ADAMTSL1: variants seen among roughly 807,000 people sequenced by gnomAD.
The protein encoded by ADAMTSL1 is ADAMTS-like protein 1.
In ADAMTSL1, 126 loss-of-function variants were observed where a neutral mutation model predicts 201.8. That is an observed-to-expected ratio of 0.62 (90% CI 0.54 to 0.72). ADAMTSL1 has a LOEUF of 0.72. Ranked by LOEUF, ADAMTSL1 falls within the 30% of genes least tolerant of loss-of-function variation. The probability of loss-of-function intolerance (pLI) is 0.00; values close to 1 mark genes in which losing one functional copy is unlikely to be tolerated. For synonymous variants in ADAMTSL1, 1,121 were observed against 903.4 expected, an observed-to-expected ratio of 1.24 and a Z score of -4.32; for missense variants, 2,679 against 2,277.8, an observed-to-expected ratio of 1.18 and a Z score of -3.59.
At chr9:18,649,571 G>T (rs1828065135) in intron 7 of ADAMTSL1, among the ~76,000 whole-genome samples, 1 of 151,996 alleles carries the variant, frequency 6.6e-6, no homozygotes, top group African/African-American at 2.4e-5. Flanking sequence ...TTTTTGGTGT[G>T]GATGTCCTTT....
chr9:18,425,966 A>G (rs189916895), intron 2 of ADAMTSL1, among the ~76,000 whole-genome samples: 2 of 152,194 alleles, frequency 1.3e-5, no homozygotes, highest in African/African-American at 2.4e-5. Context: ...AGATGAGACC[A>G]TGAGAGAAAA....
chr9:17,959,621 G>C (rs1817653156), intron 1 of ADAMTSL1, among the ~76,000 whole-genome samples: 1 of 152,076 alleles, frequency 6.6e-6, no homozygotes, highest in Non-Finnish European at 1.5e-5. Flanking sequence ...ACCATGCCTG[G>C]CTAATTTTGT....
At chr9:18,084,638 A>G (rs966456717) in intron 1 of ADAMTSL1, among the ~76,000 whole-genome samples, 1 of 151,856 alleles carries the variant, frequency 6.6e-6, no homozygotes, top group African/African-American at 2.4e-5. Flanking sequence ...GATCAGTTAC[A>G]CCGTACAGCT....
At chr9:17,947,435 C>G (rs1278042320) in intron 1 of ADAMTSL1, among the ~76,000 whole-genome samples, 3 of 151,524 alleles carry the variant, frequency 2.0e-5, no homozygotes, top group African/African-American at 4.8e-5. Context: ...TTGTTTCAAC[C>G]CTGTGCATTT....
intron 13 of ADAMTSL1, among the ~76,000 whole-genome samples, chr9:18,687,236 T>G (rs1830893728): frequency 6.6e-6 from 1 of 152,256 alleles, no homozygotes; most frequent in Non-Finnish European, 1.5e-5. Context: ...AGTGTCACTT[T>G]TTTTTATCTA....
At chr9:18,367,002 A>G (rs1294875402) in intron 2 of ADAMTSL1, among the ~76,000 whole-genome samples, 2 of 151,608 alleles carry the variant, frequency 1.3e-5, no homozygotes, top group African/African-American at 4.8e-5. Flanking sequence ...TTCAAGGCAA[A>G]TTCATTTCCC....
At chr9:18,847,076 G>C (rs1481326476) in intron 23 of ADAMTSL1, among the ~76,000 whole-genome samples, 1 of 152,164 alleles carries the variant, frequency 6.6e-6, no homozygotes, top group African/African-American at 2.4e-5. Flanking sequence ...ACATCTACCT[G>C]CTCAGGCTTT....
intron 2 of ADAMTSL1, among the ~76,000 whole-genome samples, chr9:18,271,731 G>A (rs1832375931): frequency 6.6e-6 from 1 of 152,162 alleles, no homozygotes; most frequent in Non-Finnish European, 1.5e-5. Context: ...TCTAGTTCCA[G>A]TTCCCTGAGG....
chr9:18,280,559 G>T (rs1294884422), intron 2 of ADAMTSL1, among the ~76,000 whole-genome samples: 2 of 152,174 alleles, frequency 1.3e-5, no homozygotes, highest in Admixed American at 6.5e-5. Flanking sequence ...GGCAGAGTAG[G>T]AGGTTAAGCC....
intron 4 of ADAMTSL1, among the ~76,000 whole-genome samples, chr9:18,598,534 A>C (rs1824419365): frequency 6.6e-6 from 1 of 152,152 alleles, no homozygotes; most frequent in Non-Finnish European, 1.5e-5. Context: ...AGTGCACTTC[A>C]GTCCCTGTGC....
chr9:18,109,443 A>G, intron 1 of ADAMTSL1, among the ~76,000 whole-genome samples: 1 of 152,128 alleles, frequency 6.6e-6, no homozygotes, highest in East Asian at 1.9e-4. Context: ...CATTCTGAAG[A>G]ATACTAAGTG....
At chr9:18,738,257 T>G (rs566549174) in intron 15 of ADAMTSL1, among the ~76,000 whole-genome samples, 5 of 152,298 alleles carry the variant, frequency 3.3e-5, no homozygotes, top group African/African-American at 1.2e-4. Context: ...TATATCTTAG[T>G]CTTTAAAACT....
At chr9:18,109,180 C>G (rs1449340253) in intron 1 of ADAMTSL1, among the ~76,000 whole-genome samples, 18 of 152,146 alleles carry the variant, frequency 1.2e-4, no homozygotes, top group African/African-American at 2.4e-5. Flanking sequence ...GAAATAAATT[C>G]TAATAATCTT....
At chr9:18,407,197 G>T (rs147871623) in intron 2 of ADAMTSL1, among the ~76,000 whole-genome samples, 1 of 151,638 alleles carries the variant, frequency 6.6e-6, no homozygotes, top group Admixed American at 6.6e-5. Flanking sequence ...AAGCTGCCTG[G>T]GGTTCTCACA....
At chr9:18,433,268 T>G (rs943000862) in intron 2 of ADAMTSL1, among the ~76,000 whole-genome samples, 6 of 152,086 alleles carry the variant, frequency 3.9e-5, no homozygotes, top group African/African-American at 1.4e-4. Flanking sequence ...TTAATATAGA[T>G]TCTATTGGAG....
chr9:17,972,634 G>A (rs1423334661), intron 1 of ADAMTSL1, among the ~76,000 whole-genome samples: 1 of 151,840 alleles, frequency 6.6e-6, no homozygotes, highest in Non-Finnish European at 1.5e-5. Flanking sequence ...ACATGTGCAT[G>A]TGTCTTTATA....
intron 3 of ADAMTSL1, among the ~76,000 whole-genome samples, chr9:18,567,405 G>C (rs1184577203): frequency 6.6e-6 from 1 of 152,178 alleles, no homozygotes; most frequent in East Asian, 1.9e-4. Context: ...AGTAGAAGTT[G>C]CAGCGAGCCG....
chr9:18,040,679 A>C (rs568904870), intron 1 of ADAMTSL1, among the ~76,000 whole-genome samples: 2 of 152,312 alleles, frequency 1.3e-5, no homozygotes, highest in Non-Finnish European at 2.9e-5. Flanking sequence ...GAATTATTTC[A>C]GTTACTGGAG....
In ADAMTSL1 at chr9:18,689,240, G is replaced by A. The variant is rs116746091; in HGVS notation, c.1574+4440G>A. On this transcript the variant is annotated intron_variant, in intron 13 of 28. Transcript: ENST00000380548. ...ATACCGTAGTTTTAGTCTTGGTTGA[G>A]ATGTATGCATAAACATCACTATCAC... Among the ~76,000 whole-genome samples the A allele has an allele frequency of 6.1e-3, 922 of 152,180 alleles. 10 individuals are homozygous for A. The highest frequency in any genetic ancestry group is 0.021 in the African/African-American group (876 of 41,522).
Sources: allele counts gnomAD v4.1 joint callset (sites outside exome capture counted in the v4.1 genomes callset), GRCh38; gene constraint gnomAD v4.1.1; transcripts MANE v1.5; gene names NCBI Gene and HGNC (gene_info 2026-07-23, HGNC 2026-07-21).